Variants in RALGPS2 observed in about 807,000 individuals in gnomAD.
RALGPS2 encodes Ral GEF with PH domain and SH3 binding motif 2.
Under a neutral mutation model 86.8 loss-of-function variants are expected in RALGPS2, and 43 were observed. The ratio of observed to expected loss-of-function variants is 0.50; its 90% CI spans 0.39 to 0.64. The LOEUF (loss-of-function observed/expected upper bound fraction) is 0.64, where lower values mean the gene tolerates loss of function less well. Ranked by LOEUF, RALGPS2 falls within the 30% of genes least tolerant of loss-of-function variation. The probability of loss-of-function intolerance (pLI) is 0.00; values close to 1 mark genes in which losing one functional copy is unlikely to be tolerated. For missense variants in RALGPS2, 536 were observed against 694.6 expected (o/e 0.77, Z 2.57); for synonymous variants, 243 against 231.3 (o/e 1.05, Z -0.46).
chr1:178,846,136 CA>C, intron 8 of RALGPS2, among the ~76,000 whole-genome samples: 1 of 152,130 alleles, frequency 6.6e-6, no homozygotes, highest in East Asian at 1.9e-4. Flanking sequence ...ATAATTTCAA[CA>C]AAGTCCAAGT....
intron 4 of RALGPS2, among the ~76,000 whole-genome samples, chr1:178,790,591 G>A (rs1215225573): frequency 2.6e-5 from 4 of 152,016 alleles, no homozygotes; most frequent in African/African-American, 7.2e-5. Context: ...CTGTTGTTTC[G>A]GTCTTTTTAG....
intron 5 of RALGPS2, 140 bp downstream of exon 5, chr1:178,808,268 T>C: frequency 1.6e-6 from 1 of 636,698 alleles, no homozygotes; most frequent in Non-Finnish European, 2.8e-6. Flanking sequence ...CTGTGCATGA[T>C]CTCTTTTTTT....
intron 1 of RALGPS2, chr1:178,725,994 C>T (rs1004028322): frequency 5.9e-5 from 9 of 152,116 alleles, no homozygotes; most frequent in Non-Finnish European, 1.2e-4. Flanking sequence ...CCCGCCAGCC[C>T]CGGCCCCGGA....
In RALGPS2 at chr1:178,856,208, T is replaced by G. The variant is rs1193274020; in HGVS notation, c.608-21290T>G. ...ACTTTTCCAGAGAGAGAGAGATATA[T>G]ATATATATATATATATATATATATA... On this transcript the variant is annotated intron_variant, in intron 8 of 19. Coordinates refer to ENST00000367635, the MANE Select transcript of RALGPS2 (RefSeq NM_152663.5). 8.6e-3 allele frequency among the ~76,000 whole-genome samples: 525 copies of G among 61,024 alleles called. 1 individual carries two copies. The highest frequency in any genetic ancestry group is 0.027 in the South Asian group (76 of 2,814). The allele number at this position is 61,024 out of a possible 152,430, so 40.0% of individuals were successfully genotyped here. A position where few individuals can be genotyped will look rare whatever the true frequency, so the allele number is the denominator to read the frequency against.
chr1:178,755,934 A>G (rs567128420), intron 1 of RALGPS2, among the ~76,000 whole-genome samples: 6 of 152,150 alleles, frequency 3.9e-5, no homozygotes, highest in Non-Finnish European at 7.3e-5. Flanking sequence ...TTCCCTAATG[A>G]TTAGCGATGT....
chr1:178,870,129 G>A (rs367774719), intron 8 of RALGPS2, among the ~76,000 whole-genome samples: 2 of 152,176 alleles, frequency 1.3e-5, no homozygotes. Context: ...ATGTAAGCCT[G>A]GAAAGCTATT....
intron 4 of RALGPS2, among the ~76,000 whole-genome samples, chr1:178,804,937 CTGT>C (rs1450968142): frequency 2.6e-5 from 3 of 115,704 alleles, no homozygotes; most frequent in African/African-American, 7.0e-5. Flanking sequence ...TCTCCAGCAC[CTGT>C]TGTTTCCTGA....
intron 8 of RALGPS2, among the ~76,000 whole-genome samples, chr1:178,870,468 GT>G (rs1279795029): frequency 6.6e-6 from 1 of 152,122 alleles, no homozygotes; most frequent in Non-Finnish European, 1.5e-5. Context: ...TAAAGCACTT[GT>G]TTTCAGAAAC....
chr1:178,744,196 A>T (rs1253991364), intron 1 of RALGPS2, among the ~76,000 whole-genome samples: 3 of 152,236 alleles, frequency 2.0e-5, no homozygotes, highest in Non-Finnish European at 4.4e-5. Flanking sequence ...AAGTTGGTTT[A>T]ACATTTAAAA....
chr1:178,815,084 A>T (rs75460218), intron 6 of RALGPS2, among the ~76,000 whole-genome samples: 6,176 of 150,210 alleles, frequency 0.041, 167 homozygotes, highest in African/African-American at 0.073. Context: ...GTTTGTTTTT[A>T]TTTATTTATT....
At position 178,892,226 on chromosome 1, in the gene RALGPS2, A is replaced by G. The variant is rs758334968; in HGVS notation, c.1248-4A>G. ...TATATACAATTTATAATGGAATCCA[A>G]CAGGAACAGATTATACCATTCTCTC... On this transcript the variant is annotated splice_region_variant and splice_polypyrimidine_tract_variant and intron_variant, in intron 14 of 19. Transcript: ENST00000367635. 3.7e-6 allele frequency: 6 copies of G among 1,611,648 alleles called. No homozygotes were observed. Among genetic ancestry groups the G allele is most frequent in the East Asian group, 2.2e-5 (1 of 44,808 alleles).
At chr1:178,767,967 C>T (rs1207536155) in intron 1 of RALGPS2, among the ~76,000 whole-genome samples, 1 of 152,170 alleles carries the variant, frequency 6.6e-6, no homozygotes, top group Admixed American at 6.5e-5. Flanking sequence ...GTCTCGAACT[C>T]CTGGGCTCAT....
intron 1 of RALGPS2, among the ~76,000 whole-genome samples, chr1:178,751,911 C>CAAAAAAA (rs1295811497): frequency 6.6e-6 from 1 of 151,996 alleles, no homozygotes; most frequent in East Asian, 1.9e-4. Context: ...ACTATTAGAG[C>CAAAAAAA]AAAAAACGTT....
intron 2 of RALGPS2, 88 bp from the exon 3 acceptor site, chr1:178,784,330 G>C: frequency 1.0e-6 from 1 of 954,556 alleles, no homozygotes; most frequent in East Asian, 2.7e-5. Context: ...CTACTGTTTT[G>C]TTTTCTCAGT....
At position 178,810,634 on chromosome 1, in the gene RALGPS2, T is replaced by C. The variant is rs1380028505; in HGVS notation, c.298-681T>C. ...AGTATTAAGGTGACTTTGTAAAATA[T>C]GTATACTTTATATTTACATATATAT... On this transcript the variant is annotated intron_variant, in intron 5 of 19. Coordinates refer to ENST00000367635, the MANE Select transcript of RALGPS2 (RefSeq NM_152663.5). 3.9e-5 allele frequency among the ~76,000 whole-genome samples: 6 copies of C among 152,086 alleles called. No homozygotes were observed. The East Asian group carries it at 7.7e-4, about 20-fold the overall frequency.
chr1:178,838,698 A>T (rs1656415031), intron 8 of RALGPS2, among the ~76,000 whole-genome samples: 1 of 152,216 alleles, frequency 6.6e-6, no homozygotes, highest in African/African-American at 2.4e-5. Context: ...AGAAGGCTTC[A>T]GATTATCAGA....
intron 1 of RALGPS2, among the ~76,000 whole-genome samples, chr1:178,728,680 T>C (rs1009373573): frequency 6.6e-6 from 1 of 152,176 alleles, no homozygotes; most frequent in African/African-American, 2.4e-5. Flanking sequence ...CATTACCCTG[T>C]AAATTGTTTC....
At chr1:178,912,609 A>G (rs1660668910) in intron 19 of RALGPS2, among the ~76,000 whole-genome samples, 1 of 151,784 alleles carries the variant, frequency 6.6e-6, no homozygotes, top group Admixed American at 6.6e-5. Flanking sequence ...TCCATTTAAG[A>G]TTTTTTTCTT....
intron 4 of RALGPS2, among the ~76,000 whole-genome samples, chr1:178,793,213 A>G (rs1190104731): frequency 6.6e-6 from 1 of 152,162 alleles, no homozygotes; most frequent in Non-Finnish European, 1.5e-5. Context: ...CTGCTAATAC[A>G]ATCTGTTTCT....
Sources: gnomAD v4.1 joint callset for allele counts (sites outside exome capture counted in the v4.1 genomes callset) on GRCh38, gnomAD v4.1.1 for gene constraint, MANE v1.5 for transcripts, NCBI Gene and HGNC (gene_info 2026-07-23, HGNC 2026-07-21) for gene names.